The following TRAPPC2L variants were observed in gnomAD, a reference collection of about 807,000 sequenced individuals.
TRAPPC2L encodes the protein trafficking protein particle complex subunit 2-like protein.
In TRAPPC2L, 17 loss-of-function variants were observed where a neutral mutation model predicts 13.2. The ratio of observed to expected loss-of-function variants is 1.29; its 90% CI spans 0.88 to 1.93. The LOEUF (loss-of-function observed/expected upper bound fraction) is 1.93, where lower values mean the gene tolerates loss of function less well. Among genes scored for constraint, TRAPPC2L ranks in the 30% most tolerant of loss-of-function variants. The pLI is 0.00. For missense variants in TRAPPC2L, 359 were observed against 252.1 expected (o/e 1.42, Z -2.87); for synonymous variants, 150 against 98.1 (o/e 1.53, Z -3.12).
In TRAPPC2L at chr16:88,857,192, G is replaced by C. The variant is rs1385185240; in HGVS notation, c.33+9G>C. 6.4e-7 allele frequency: 1 copy of C among 1,570,128 alleles called. No homozygotes were observed. ...CGGTGATTGCCAAGGAGGTGCGTAC[G>C]CGCGGCGTGGGGCGTCCGGGCTCGC... is the stretch of plus-strand genomic sequence containing the variant. On this transcript the variant is annotated intron_variant, in intron 1 of 3. Transcript: ENST00000565504.
intron 1 of TRAPPC2L, 143 bp from the exon 2 acceptor site, chr16:88,858,476 G>A: frequency 1.2e-6 from 1 of 814,926 alleles, no homozygotes; most frequent in South Asian, 1.8e-5. Flanking sequence ...GCCCACTGCG[G>A]CATAGAGAAT....
At chr16:88,859,835 A>G in intron 3 of TRAPPC2L, 58 bp from the exon 4 acceptor site, 1 of 1,584,038 alleles carries the variant, frequency 6.3e-7, no homozygotes. Flanking sequence ...GAGAAACTAA[A>G]AATCTGGCAG....
chr16:88,856,423 A>C (rs890488843), upstream of TRAPPC2L: 85 of 700,384 alleles, frequency 1.2e-4, no homozygotes, highest in Non-Finnish European at 1.9e-4. Flanking sequence ...CGGGGGAGGC[A>C]GGGCCCGGTA....
intron 1 of TRAPPC2L, among the ~76,000 whole-genome samples, chr16:88,857,963 C>T (rs780082437): frequency 1.3e-5 from 2 of 152,162 alleles, no homozygotes; most frequent in African/African-American, 4.8e-5. Context: ...CTAAGCTGCT[C>T]ATGGGCTTCC....
upstream of TRAPPC2L, chr16:88,856,878 G>A: frequency 1.3e-6 from 2 of 1,507,834 alleles, no homozygotes; most frequent in African/African-American, 2.9e-5. Flanking sequence ...CCGCCGCCAT[G>A]GCAACCACGG....
intron 2 of TRAPPC2L, chr16:88,859,300 C>T (rs1022740322): frequency 1.4e-5 from 9 of 624,630 alleles, no homozygotes; most frequent in Admixed American, 4.2e-5. Flanking sequence ...AATGTGGCCT[C>T]TAGAGAGGGG....
chr16:88,858,017 C>T (rs147763982), intron 1 of TRAPPC2L, among the ~76,000 whole-genome samples: 1 of 152,260 alleles, frequency 6.6e-6, no homozygotes, highest in African/African-American at 2.4e-5. Context: ...GGTTTATTGA[C>T]TAGGTATCAC....
In TRAPPC2L at chr16:88,857,504, T is replaced by TCCCGTCCAGCGCTGGTTCC. The variant is rs1968026293; in HGVS notation, c.33+324_33+342dup. The TCCCGTCCAGCGCTGGTTCC allele has an allele frequency of 9.0e-5, 32 of 355,144 alleles. No homozygotes were observed. In the South Asian group the frequency reaches 2.1e-3, roughly 23 times the overall value. 22.0% of individuals were successfully genotyped at this position (355,144 alleles called of 1,614,324 possible). On this transcript the variant is annotated intron_variant, in intron 1 of 3. Coordinates refer to ENST00000565504, the Ensembl canonical transcript of TRAPPC2L. ...CGTCCTCAGCAGGTTCTGCCCGTTC[T>TCCCGTCCAGCGCTGGTTCC]CCCGTCCAGCGCTGGTTCCCCGCGG...
At chr16:88,856,243 T>G (rs1352892308), upstream of TRAPPC2L, 3 of 702,842 alleles carry the variant, frequency 4.3e-6, no homozygotes, top group Non-Finnish European at 7.8e-6. Flanking sequence ...GAGACAGCCG[T>G]CAGGTAAGAC....
At chr16:88,861,069 A>G (rs529694538) in exon 4 of TRAPPC2L, 1 of 1,087,638 alleles carries the variant, frequency 9.2e-7, no homozygotes, top group South Asian at 1.3e-5. Context: ...CTTTCAGGGC[A>G]GGCAGCTGTG....
chr16:88,857,884 C>A (rs1968070727), intron 1 of TRAPPC2L, among the ~76,000 whole-genome samples: 1 of 152,238 alleles, frequency 6.6e-6, no homozygotes, highest in Admixed American at 6.5e-5. Flanking sequence ...CTGCACGGAG[C>A]CTTCATTTCC....
At chr16:88,860,257 G>A in exon 4 of TRAPPC2L, 1 of 702,430 alleles carries the variant, frequency 1.4e-6, no homozygotes, top group Non-Finnish European at 2.6e-6. Flanking sequence ...TGGGGCACCT[G>A]CAGGACTCAG....
chr16:88,860,973 C>G, exon 4 of TRAPPC2L: 1 of 1,579,476 alleles, frequency 6.3e-7, no homozygotes, highest in Non-Finnish European at 8.6e-7. Context: ...AGCTGTGCTG[C>G]CAGCCATCGC....
At chr16:88,859,933 G>T in exon 4 of TRAPPC2L, 1 of 1,538,556 alleles carries the variant, frequency 6.5e-7, no homozygotes, top group South Asian at 1.1e-5. Flanking sequence ...GACGTGATGT[G>T]CAACCCCTTC....
At chr16:88,861,837 G>C (rs1021852615) in exon 4 of TRAPPC2L, 3 of 350,590 alleles carry the variant, frequency 8.6e-6, no homozygotes, top group African/African-American at 4.3e-5. Context: ...CTGTAAGGGG[G>C]GGTCAGCCTA....
rs140367485 is a variant in TRAPPC2L at position 88,861,823 on chromosome 16, AAGGCTGTAAGGGGGGGTC to A, written c.*1502_*1519del. The A allele has an allele frequency of 5.6e-5, 20 of 359,750 alleles. No homozygotes were observed. The East Asian group carries it at 1.5e-3, about 28-fold the overall frequency. 22.3% of individuals were successfully genotyped at this position (359,750 alleles called of 1,614,324 possible). A position where few individuals can be genotyped will look rare whatever the true frequency, so the allele number is the denominator to read the frequency against. On this transcript the variant is annotated 3_prime_UTR_variant, in exon 4 of 4. Coordinates refer to ENST00000565504, the Ensembl canonical transcript of TRAPPC2L. ...GACCCCAGAAGCCCTTGCAGCAGGA[AAGGCTGTAAGGGGGGGTC>A]AGCCTAGGGCAGGACCTAGGGAGGG...
chr16:88,857,796 A>G (rs1020246632), intron 1 of TRAPPC2L, among the ~76,000 whole-genome samples: 16 of 151,948 alleles, frequency 1.1e-4, no homozygotes, highest in Admixed American at 9.8e-4. Flanking sequence ...CATCCTCTTT[A>G]CTGGCCCACA....
chr16:88,859,832 T>C, intron 3 of TRAPPC2L, 61 bp from the exon 4 acceptor site: 2 of 1,583,656 alleles, frequency 1.3e-6, no homozygotes, highest in Non-Finnish European at 1.7e-6. Flanking sequence ...GCTGAGAAAC[T>C]AAAAATCTGG....
intron 1 of TRAPPC2L, chr16:88,857,470 T>C: frequency 2.4e-6 from 1 of 411,424 alleles, no homozygotes; most frequent in South Asian, 4.6e-5. Flanking sequence ...GGGCACTACC[T>C]CCGTCCTCCG....
Sources: gnomAD v4.1 joint callset for allele counts (sites outside exome capture counted in the v4.1 genomes callset) on GRCh38, gnomAD v4.1.1 for gene constraint, MANE v1.5 for transcripts, NCBI Gene and HGNC (gene_info 2026-07-23, HGNC 2026-07-21) for gene names.